The following SPATS2 variants were observed in gnomAD, a reference collection of about 807,000 sequenced individuals.
SPATS2 encodes spermatogenesis associated serine rich 2, also known as spermatogenesis-associated serine-rich protein 2.
A neutral mutation model predicts 63.7 loss-of-function variants in SPATS2; 38 were observed. That is an observed-to-expected ratio of 0.60 (90% CI 0.46 to 0.78). The LOEUF (loss-of-function observed/expected upper bound fraction) is 0.78, where lower values mean the gene tolerates loss of function less well. Among genes scored for constraint, SPATS2 ranks in the 30% least tolerant of loss-of-function variants. The pLI, the probability that SPATS2 is intolerant of heterozygous loss-of-function variation, is 0.00. For missense variants in SPATS2, 588 were observed against 666.2 expected (o/e 0.88, Z 1.29); for synonymous variants, 207 against 232.9 (o/e 0.89, Z 1.01).
intron 2 of SPATS2, among the ~76,000 whole-genome samples, chr12:49,427,643 T>A (rs1038498028): frequency 6.6e-6 from 1 of 152,224 alleles, no homozygotes; most frequent in South Asian, 2.1e-4. Context: ...CTTTCTGTTA[T>A]GAGAGAATTT....
intron 2 of SPATS2, among the ~76,000 whole-genome samples, chr12:49,418,106 C>T (rs1298860461): frequency 8.6e-6 from 1 of 116,646 alleles, no homozygotes; most frequent in Admixed American, 8.1e-5. Flanking sequence ...TTAAATGACT[C>T]AGTTTTTTTT....
intron 2 of SPATS2, among the ~76,000 whole-genome samples, chr12:49,452,303 TGTTA>T (rs1945637098): frequency 1.3e-5 from 2 of 152,238 alleles, no homozygotes. Context: ...ACTTTTTGTT[TGTTA>T]ATGTTTAAGA....
chr12:49,367,363 C>G (rs1943916073), upstream of SPATS2: 1 of 393,092 alleles, frequency 2.5e-6, no homozygotes, highest in East Asian at 3.6e-5. Context: ...TGCTGGATCT[C>G]CGGCAGCATC....
intron 2 of SPATS2, among the ~76,000 whole-genome samples, chr12:49,453,172 A>G (rs933471554): frequency 2.0e-5 from 3 of 151,900 alleles, no homozygotes; most frequent in Non-Finnish European, 4.4e-5. Flanking sequence ...AAAAAAAAAA[A>G]AAAAAGAAAT....
intron 6 of SPATS2, among the ~76,000 whole-genome samples, chr12:49,493,047 G>A (rs185034139): frequency 4.3e-4 from 64 of 150,178 alleles, no homozygotes; most frequent in South Asian, 1.5e-3. Flanking sequence ...GCAGTGAGCC[G>A]AGATTGCACC....
chr12:49,405,863 CAT>C (rs1320237982), intron 2 of SPATS2, among the ~76,000 whole-genome samples: 1 of 152,166 alleles, frequency 6.6e-6, no homozygotes, highest in Non-Finnish European at 1.5e-5. Context: ...GAGGATAACA[CAT>C]ATATAAATTT....
intron 3 of SPATS2, among the ~76,000 whole-genome samples, chr12:49,467,215 A>ATTTTTTTTT (rs35462676): frequency 1.0e-4 from 12 of 119,916 alleles, no homozygotes; most frequent in East Asian, 2.5e-4. Context: ...TGCCTGGCTA[A>ATTTTTTTTT]TTTTTTTTTT....
chr12:49,369,920 T>TG (rs1193112037), intron 1 of SPATS2, among the ~76,000 whole-genome samples: 1 of 152,160 alleles, frequency 6.6e-6, no homozygotes, highest in Non-Finnish European at 1.5e-5. Flanking sequence ...CCACAATTGG[T>TG]ACTAGCATTA....
chr12:49,482,623 C>T (rs1055227188), intron 3 of SPATS2, among the ~76,000 whole-genome samples: 3 of 152,186 alleles, frequency 2.0e-5, no homozygotes, highest in Non-Finnish European at 4.4e-5. Context: ...TTATTAAACT[C>T]TATTAAGATT....
intron 2 of SPATS2, among the ~76,000 whole-genome samples, chr12:49,391,591 T>G (rs527442643): frequency 6.6e-6 from 1 of 152,366 alleles, no homozygotes; most frequent in African/African-American, 2.4e-5. Flanking sequence ...GGAAATGTGC[T>G]TTAACATCAG....
rs1483564220 is a variant in SPATS2 at position 49,437,102 on chromosome 12, A to G, written c.-243-23668A>G. On this transcript the variant is annotated intron_variant, in intron 2 of 13. Coordinates refer to ENST00000552918, the MANE Select transcript of SPATS2 (RefSeq NM_023071.4). ...TGGCTGCCGGGCGGAGGGGCTCCTC[A>G]CTTTTCAGACGGTGTGGCTGCCGGG... 2.7e-5 allele frequency among the ~76,000 whole-genome samples: 4 copies of G among 150,152 alleles called. No homozygotes were observed. In the East Asian group the frequency reaches 8.1e-4, roughly 30 times the overall value.
chr12:49,391,378 G>A (rs1421258263), intron 2 of SPATS2, among the ~76,000 whole-genome samples: 2 of 152,194 alleles, frequency 1.3e-5, no homozygotes, highest in Admixed American at 1.3e-4. Flanking sequence ...TGGTCGTGGA[G>A]GCGTGTGCCT....
At chr12:49,487,994 T>G (rs1946322866) in intron 4 of SPATS2, among the ~76,000 whole-genome samples, 1 of 152,180 alleles carries the variant, frequency 6.6e-6, no homozygotes, top group Admixed American at 6.5e-5. Flanking sequence ...GGGATTTCCC[T>G]TACTTCTTAT....
chr12:49,519,814 ATT>A (rs113683730), intron 11 of SPATS2, among the ~76,000 whole-genome samples: 21 of 136,248 alleles, frequency 1.5e-4, no homozygotes, highest in Non-Finnish European at 1.6e-4. Context: ...AGTTACCACT[ATT>A]TTTTTTTTTT....
At chr12:49,478,900 CT>C (rs1946161206) in intron 3 of SPATS2, among the ~76,000 whole-genome samples, 1 of 152,128 alleles carries the variant, frequency 6.6e-6, no homozygotes, top group African/African-American at 2.4e-5. Context: ...GAAAGAGGAG[CT>C]TTATTGAGTG....
intron 3 of SPATS2, among the ~76,000 whole-genome samples, chr12:49,473,124 T>C (rs988107226): frequency 2.1e-5 from 3 of 143,962 alleles, no homozygotes; most frequent in African/African-American, 7.8e-5. Context: ...TGGGGAACAA[T>C]AGAAACTTGG....
chr12:49,370,444 AT>A (rs1274338159), intron 1 of SPATS2, among the ~76,000 whole-genome samples: 1 of 152,194 alleles, frequency 6.6e-6, no homozygotes, highest in Non-Finnish European at 1.5e-5. Context: ...CAGTCCATTC[AT>A]TATATTACCA....
chr12:49,404,384 C>T (rs1051438795), intron 2 of SPATS2, among the ~76,000 whole-genome samples: 8 of 151,064 alleles, frequency 5.3e-5, no homozygotes, highest in African/African-American at 1.5e-4. Context: ...ACTCCTGGGC[C>T]GAAGCGATCC....
chr12:49,456,230 A>G (rs552425859), intron 2 of SPATS2, among the ~76,000 whole-genome samples: 1 of 152,314 alleles, frequency 6.6e-6, no homozygotes, highest in Admixed American at 6.5e-5. Context: ...TGTTCTTACC[A>G]TAGGTTCAGT....
Sources: gnomAD v4.1 joint callset for allele counts (sites outside exome capture counted in the v4.1 genomes callset) on GRCh38, gnomAD v4.1.1 for gene constraint, MANE v1.5 for transcripts, NCBI Gene and HGNC (gene_info 2026-07-23, HGNC 2026-07-21) for gene names.